The following PSMC1 variants were observed in gnomAD, a reference collection of about 807,000 sequenced individuals.
PSMC1 encodes proteasome 26S subunit, ATPase 1.
A neutral mutation model predicts 49.8 loss-of-function variants in PSMC1; 5 were observed. The observed-to-expected ratio is 0.10, with a 90% CI of 0.05 to 0.21. The LOEUF is 0.21. Among genes scored for constraint, PSMC1 ranks in the 10% least tolerant of loss-of-function variants. The pLI is 1.00. For synonymous variants in PSMC1, 155 were observed against 192.1 expected, an observed-to-expected ratio of 0.81 and a Z score of 1.60; for missense variants, 181 against 535.7, an observed-to-expected ratio of 0.34 and a Z score of 6.54.
intron 1 of PSMC1, among the ~76,000 whole-genome samples, chr14:90,257,306 G>A (rs1383232282): frequency 6.6e-6 from 1 of 152,152 alleles, no homozygotes; most frequent in African/African-American, 2.4e-5. Flanking sequence ...TAGAGCAGAA[G>A]GCAGACAATC....
In PSMC1 at chr14:90,274,838, A is replaced by ACACACACCCCC. The variant is rs1491397403; in HGVS notation, c.*2432_*2433insACACACCCCCC. ...CACACACACACACACACACACACAC[A>ACACACACCCCC]CCCCAATACATATGAATTGATCTGA... is the stretch of plus-strand genomic sequence containing the variant. On this transcript the variant is annotated 3_prime_UTR_variant, in exon 11 of 11. Transcript: ENST00000261303. 12 of 67,214 alleles carry ACACACACCCCC rather than the reference A, an allele frequency of 1.8e-4. No individual in the cohort carries two copies. In the East Asian group the frequency reaches 2.7e-3, roughly 15 times the overall value. The allele number at this position is 67,214 out of a possible 1,614,324, so 4.2% of individuals were successfully genotyped here.
chr14:90,261,942 A>G (rs1008543296), intron 3 of PSMC1, among the ~76,000 whole-genome samples: 3 of 152,026 alleles, frequency 2.0e-5, no homozygotes, highest in African/African-American at 7.3e-5. Context: ...AATGTGGCAC[A>G]TATACACCAT....
intron 8 of PSMC1, 72 bp from the exon 9 acceptor site, chr14:90,269,325 G>T (rs1891600150): frequency 7.5e-7 from 1 of 1,337,884 alleles, no homozygotes; most frequent in Non-Finnish European, 1.0e-6. Flanking sequence ...TCACAATGAG[G>T]TCTTTGCTGT....
intron 6 of PSMC1, among the ~76,000 whole-genome samples, 197 bp from the exon 7 acceptor site, chr14:90,264,873 G>A (rs935199961): frequency 2.6e-5 from 4 of 152,218 alleles, no homozygotes; most frequent in Non-Finnish European, 2.9e-5. Flanking sequence ...GAGATGGAAC[G>A]GGTGCGGGGA....
At position 90,272,288 on chromosome 14, in the gene PSMC1, G is replaced by A. The variant is rs1891691419; in HGVS notation, c.1204G>A (p.Ala402Thr). ...GADIKAICTE[A>T]GLMALRERRM... ...TTTCTTACAGGCAATCTGTACAGAAGCTGGTCTGATGGCCTTAAGAGAACG... is the reference window on the plus strand; with the variant it reads ...TTTCTTACAGGCAATCTGTACAGAAACTGGTCTGATGGCCTTAAGAGAACG... Residue 402 changes from alanine to threonine, a missense_variant, in exon 11 of 11, where the codon GCT (alanine) becomes ACT (threonine). Ala to Thr is a moderately conservative substitution (Grantham distance 58). This residue lies in a region of PSMC1 where 60 missense variants were observed against 155.5 expected (regional missense o/e 0.39). Transcript: ENST00000261303. This position sits in a 1 kb window ranked among gnomAD's most constrained non-coding sequence, Gnocchi z 4.5. 6.2e-7 allele frequency: 1 copy of A among 1,604,170 alleles called. No individual in the cohort carries two copies. The highest frequency in any genetic ancestry group is 8.5e-7 in the Non-Finnish European group (1 of 1,178,218).
chr14:90,270,130 G>T, intron 9 of PSMC1, 68 bp from the exon 10 acceptor site: 1 of 1,552,412 alleles, frequency 6.4e-7, no homozygotes, highest in Non-Finnish European at 8.8e-7. Flanking sequence ...GATGGGCTGA[G>T]GCCTCTGAGC....
rs747900278 is a variant in PSMC1 at position 90,270,271 on chromosome 14, A to G, written c.1107A>G (p.Thr369=). 6.2e-7 allele frequency: 1 copy of G among 1,613,718 alleles called. No individual in the cohort carries two copies. Among genetic ancestry groups the G allele is most frequent in the South Asian group, 1.1e-5 (1 of 91,070 alleles). ...AGAAGCGCATCTTTCAGATTCACAC[A>G]AGCAGGATGACGCTGGCTGATGATG... ...KTKKRIFQIH[T]SRMTLADDVT... is the part of the protein sequence containing the mutation. Residue 369 remains threonine, a synonymous_variant, in exon 10 of 11, where the codon ACA becomes ACG. Transcript: ENST00000261303.
intron 3 of PSMC1, among the ~76,000 whole-genome samples, chr14:90,260,777 C>G (rs2081413217): frequency 6.6e-6 from 1 of 152,170 alleles, no homozygotes; most frequent in Non-Finnish European, 1.5e-5. Context: ...CTTTAACTGG[C>G]TCCTCTAGTG....
At chr14:90,258,067 T>C (rs1891329959) in intron 1 of PSMC1, among the ~76,000 whole-genome samples, 2 of 152,192 alleles carry the variant, frequency 1.3e-5, no homozygotes, top group Admixed American at 6.5e-5. Context: ...CCCATCGTTT[T>C]TTTTCTAGAA....
chr14:90,266,121 GAC>G (rs1261866782), intron 7 of PSMC1, among the ~76,000 whole-genome samples: 2 of 151,868 alleles, frequency 1.3e-5, no homozygotes, highest in Non-Finnish European at 2.9e-5. Context: ...CAGGTGTGGT[GAC>G]ACACATCTGT....
intron 9 of PSMC1, chr14:90,269,887 A>G: frequency 2.7e-6 from 1 of 376,300 alleles, no homozygotes; most frequent in Non-Finnish European, 4.7e-6. Flanking sequence ...CAGAAGAAAC[A>G]GTGATTTGTT....
rs1491397403 is a variant in PSMC1, at chr14:90,274,838, A to ACACACCCCC, written c.*2432_*2433insACACCCCCC. On this transcript the variant is annotated 3_prime_UTR_variant, in exon 11 of 11. Transcript: ENST00000261303. The stretch of plus-strand genomic sequence containing the variant: ...CACACACACACACACACACACACAC[A>ACACACCCCC]CCCCAATACATATGAATTGATCTGA... 12 of 67,220 alleles carry ACACACCCCC rather than the reference A, an allele frequency of 1.8e-4. No individual in the cohort carries two copies. In the East Asian group the frequency reaches 3.4e-3, roughly 19 times the overall value. The allele number at this position is 67,220 out of a possible 1,614,324, so 4.2% of individuals were successfully genotyped here.
chr14:90,256,797 C>T (rs937725727), intron 1 of PSMC1, among the ~76,000 whole-genome samples, 197 bp downstream of exon 1: 5 of 152,206 alleles, frequency 3.3e-5, no homozygotes, highest in Non-Finnish European at 7.3e-5. Context: ...ACCAACGGGC[C>T]TTGCCCGGGG....
rs528623265 is a variant in PSMC1 at position 90,264,236 on chromosome 14, T to C, written c.594+67T>C. On this transcript the variant is annotated intron_variant, in intron 6 of 10. Transcript: ENST00000261303. The stretch of plus-strand genomic sequence containing the variant: ...TTCTGTTGTCCCATTTAGGATACTT[T>C]GCAGGTGTTTTGTATGTTTGCTTAT... 14 of 1,588,192 alleles carry C rather than the reference T, an allele frequency of 8.8e-6. 1 individual carries two copies. In the South Asian group the frequency reaches 1.0e-4, roughly 12 times the overall value.
At chr14:90,260,556 C>T (rs1891378228) in intron 3 of PSMC1, among the ~76,000 whole-genome samples, 1 of 152,118 alleles carries the variant, frequency 6.6e-6, no homozygotes, top group South Asian at 2.1e-4. Context: ...CACGGTGAAA[C>T]CCTGTCTCCA....
At chr14:90,259,339 G>C (rs571380792) in intron 2 of PSMC1, 126 bp downstream of exon 2, 1 of 796,422 alleles carries the variant, frequency 1.3e-6, no homozygotes, top group Admixed American at 2.6e-5. Context: ...TTTTAAACTA[G>C]CCTGTCCTAC....
chr14:90,270,082 C>A, intron 9 of PSMC1, 116 bp from the exon 10 acceptor site: 1 of 1,094,686 alleles, frequency 9.1e-7, no homozygotes, highest in Non-Finnish European at 1.3e-6. Context: ...ACATCCTTCC[C>A]ACAGAATTCT....
At chr14:90,269,946 T>G (rs535314484) in intron 9 of PSMC1, 1 of 470,018 alleles carries the variant, frequency 2.1e-6, no homozygotes, top group African/African-American at 1.9e-5. Flanking sequence ...CCAGTTTCAC[T>G]CAGGAATTGC....
At chr14:90,259,092 G>T (rs1891348334) in intron 1 of PSMC1, 68 bp from the exon 2 acceptor site, 3 of 1,498,340 alleles carry the variant, frequency 2.0e-6, no homozygotes, top group Non-Finnish European at 2.8e-6. Context: ...TCACAGGACA[G>T]TATAAAGTTA....
Sources: allele counts gnomAD v4.1 joint callset (sites outside exome capture counted in the v4.1 genomes callset), GRCh38; gene constraint gnomAD v4.1.1; regional missense constraint gnomAD v4.1.1; non-coding constraint Gnocchi (gnomAD v3.1); transcripts MANE v1.5; gene names NCBI Gene and HGNC (gene_info 2026-07-23, HGNC 2026-07-21).